Variants in PCDHGA4 observed in about 807,000 individuals in gnomAD.
PCDHGA4 encodes the protein protocadherin gamma subfamily A, 4, also known as protocadherin gamma-A4.
Under a neutral mutation model 54.6 loss-of-function variants are expected in PCDHGA4, and 38 were observed. That is an observed-to-expected ratio of 0.70 (90% CI 0.54 to 0.91). The LOEUF (loss-of-function observed/expected upper bound fraction) is 0.91, where lower values mean the gene tolerates loss of function less well. PCDHGA4 is among the 40% of genes least tolerant of loss of function. The pLI is 0.00. For missense variants in PCDHGA4, 1,298 were observed against 1,220.9 expected (o/e 1.06, Z -0.94); for synonymous variants, 511 against 512.9 (o/e 1.00, Z 0.05).
Position 141,414,566 on chromosome 5 carries a change from A to G in PCDHGA4, c.2514+56945A>G, listed in dbSNP as rs375828619. The stretch of plus-strand genomic sequence containing the variant: ...TTCTCTCAAGTCTCCTACTTTACCT[A>G]TATCCCAGAGAACAACGCCAGGGGT... On this transcript the variant is annotated intron_variant, in intron 1 of 3. Coordinates refer to ENST00000571252, the MANE Select transcript of PCDHGA4 (RefSeq NM_018917.4). The G allele has an allele frequency of 6.6e-5, 106 of 1,613,800 alleles. No homozygotes were observed. Among genetic ancestry groups the G allele is most frequent in the Non-Finnish European group, 8.4e-5 (99 of 1,179,878 alleles).
intron 1 of PCDHGA4, chr5:141,409,742 G>T (rs763304955): frequency 5.0e-6 from 8 of 1,612,988 alleles, no homozygotes; most frequent in African/African-American, 1.3e-5. Flanking sequence ...GAGCGGGGTG[G>T]TGTTCGCGCA....
intron 1 of PCDHGA4, chr5:141,383,720 A>T (rs963032230): frequency 1.2e-5 from 19 of 1,613,888 alleles, no homozygotes; most frequent in Non-Finnish European, 1.6e-5. Flanking sequence ...GAGGGAGTCA[A>T]TGGGGAAGTG....
chr5:141,357,623 T>C lies in PCDHGA4; in HGVS notation c.2514+2T>C. On this transcript the variant is annotated splice_donor_variant, in intron 1 of 3. Transcript: ENST00000571252. LOFTEE classifies it high-confidence loss of function. ...ACAAAAGGAGACCCTAATCTTCAGG[T>C]GAGTCAATCTTATAATAGATCATAC... 2 of 1,613,680 alleles carry C rather than the reference T, an allele frequency of 1.2e-6. No individual in the cohort carries two copies. Among genetic ancestry groups the C allele is most frequent in the Non-Finnish European group, 1.7e-6 (2 of 1,179,672 alleles).
intron 1 of PCDHGA4, chr5:141,408,675 CG>C (rs757230674): frequency 2.3e-5 from 37 of 1,613,832 alleles, no homozygotes; most frequent in Non-Finnish European, 3.1e-5. Flanking sequence ...GACCCTGCCA[CG>C]GATCCTGATA....
At chr5:141,415,182 C>A (rs2095840318) in intron 1 of PCDHGA4, 1 of 1,613,842 alleles carries the variant, frequency 6.2e-7, no homozygotes, top group Admixed American at 1.7e-5. Flanking sequence ...TGGCCGTGGC[C>A]GACAGCATCC....
chr5:141,454,796 A>ATTTTTTTT (rs61612330), intron 1 of PCDHGA4, among the ~76,000 whole-genome samples: 1,488 of 77,444 alleles, frequency 0.019, 251 homozygotes, highest in African/African-American at 0.042. Flanking sequence ...CATGGTTCTA[A>ATTTTTTTT]TTTTTTTTTT....
chr5:141,364,347 G>C, intron 1 of PCDHGA4: 1 of 1,543,210 alleles, frequency 6.5e-7, no homozygotes, highest in East Asian at 2.3e-5. Context: ...AGTCCACCTA[G>C]GGGCTGGGGC....
intron 1 of PCDHGA4, chr5:141,373,848 C>T (rs955090382): frequency 2.0e-5 from 9 of 446,824 alleles, no homozygotes; most frequent in Non-Finnish European, 3.5e-5. Flanking sequence ...GGACTCTAAG[C>T]GTCGCTGTTG....
chr5:141,400,333 C>T (rs538201613), intron 1 of PCDHGA4: 2 of 1,614,032 alleles, frequency 1.2e-6, no homozygotes, highest in East Asian at 2.2e-5. Context: ...ACCTGTGGTT[C>T]CCCCCAACTA....
chr5:141,432,793 C>T lies in PCDHGA4; in HGVS notation c.2515-62014C>T. 6.2e-7 allele frequency: 1 copy of T among 1,614,150 alleles called. No individual in the cohort carries two copies. Among genetic ancestry groups the T allele is most frequent in the Admixed American group, 1.7e-5 (1 of 60,032 alleles). ...AAGTCCTGGCGGACCTCGGCAGCCT[C>T]GAGTCTCCAGCTAACTCTGAAACCT... On this transcript the variant is annotated intron_variant, in intron 1 of 3. Transcript: ENST00000571252. The surrounding 1 kb of genome is among the most constrained non-coding windows in gnomAD (Gnocchi z 6.0).
intron 2 of PCDHGA4, among the ~76,000 whole-genome samples, chr5:141,496,097 A>C (rs1329818315): frequency 6.6e-6 from 1 of 151,148 alleles, no homozygotes; most frequent in Non-Finnish European, 1.5e-5. Context: ...CCACCCACCA[A>C]CACCCCGCTC....
In PCDHGA4 at chr5:141,355,459, G is replaced by A; in HGVS notation, c.352G>A (p.Ala118Thr). Reference sequence around the variant, plus strand: ...CCCGCGCAGCGGCACCTTGGTCACCGCGGGTAGGATAGACAGGGAGGAGCT... The same window carrying A: ...CCCGCGCAGCGGCACCTTGGTCACCACGGGTAGGATAGACAGGGAGGAGCT... ...LNPRSGTLVT[A>T]GRIDREELCD... Residue 118 changes from alanine to threonine, a missense_variant, in exon 1 of 4, where the codon GCG (alanine) becomes ACG (threonine). Physicochemically the swap from Ala to Thr is moderately conservative, Grantham distance 58 (BLOSUM62 0). Coordinates refer to ENST00000571252, the MANE Select transcript of PCDHGA4 (RefSeq NM_018917.4). 3 of 1,614,080 alleles carry A rather than the reference G, an allele frequency of 1.9e-6. No homozygotes were observed. Among genetic ancestry groups the A allele is most frequent in the Non-Finnish European group, 2.5e-6 (3 of 1,179,918 alleles).
Position 141,357,533 on chromosome 5 carries a change from C to A in PCDHGA4, c.2426C>A (p.Thr809Lys). ...TTCTCCCAACCCAGCTATGCAGACA[C>A]GCTCATCAGCCGGGAGAGTTGTGAG... ...LIFSQPSYAD[T>K]LISRESCEKS... The change falls in exon 1 of 4, where the codon ACG (threonine) becomes AAG (lysine). Residue 809 changes from threonine (T) to lysine (K), a missense_variant. By Grantham distance (78) the Thr-to-Lys change is moderately conservative. Coordinates refer to ENST00000571252, the MANE Select transcript of PCDHGA4 (RefSeq NM_018917.4). The A allele has an allele frequency of 6.2e-7, 1 of 1,614,194 alleles. No individual in the cohort carries two copies. The highest frequency in any genetic ancestry group is 8.5e-7 in the Non-Finnish European group (1 of 1,180,028).
intron 1 of PCDHGA4, among the ~76,000 whole-genome samples, chr5:141,492,435 C>T (rs191116850): frequency 8.5e-5 from 13 of 152,348 alleles, no homozygotes; most frequent in Admixed American, 8.5e-4. Context: ...CTCAGGAGTA[C>T]TCGTAGCTGA....
Position 141,432,938 on chromosome 5 carries a change from G to C in PCDHGA4, c.2515-61869G>C. ...CTGGCACAAGTCACGCCTGCTGCAG[G>C]CTTCAGGAGGCGGCTTGACAGGAGC... On this transcript the variant is annotated intron_variant, in intron 1 of 3. Transcript: ENST00000571252. The surrounding 1 kb of genome is among the most constrained non-coding windows in gnomAD (Gnocchi z 6.0). 2 of 1,614,192 alleles carry C rather than the reference G, an allele frequency of 1.2e-6. No homozygotes were observed. Among genetic ancestry groups the C allele is most frequent in the South Asian group, 2.2e-5 (2 of 91,086 alleles).
chr5:141,434,938 A>G (rs938787407), intron 1 of PCDHGA4, among the ~76,000 whole-genome samples: 2 of 151,738 alleles, frequency 1.3e-5, no homozygotes, highest in Admixed American at 1.3e-4. Flanking sequence ...TATATAATAG[A>G]TATAATTTAT....
Position 141,357,088 on chromosome 5 carries a change from C to T in PCDHGA4, c.1981C>T (p.Arg661Trp), listed in dbSNP as rs530114356. ...GCACACAGGCGAGGTGCGCACCGCA[C>T]GGGCCCTGCTGGACAGAGACGCGCT... ...GLHTGEVRTA[R>W]ALLDRDALKQ... The change falls in exon 1 of 4, where the codon CGG becomes TGG. Residue 661 changes from arginine (R) to tryptophan (W), a missense_variant. Transcript: ENST00000571252. The T allele has an allele frequency of 4.7e-5, 76 of 1,613,900 alleles. No individual in the cohort carries two copies. The South Asian group carries it at 8.2e-4, about 17-fold the overall frequency.
intron 1 of PCDHGA4, chr5:141,364,493 G>A (rs1480199754): frequency 4.3e-6 from 7 of 1,614,018 alleles, no homozygotes; most frequent in Non-Finnish European, 5.9e-6. Flanking sequence ...CCTTGGGCTG[G>A]AGCCCCAGGA....
intron 1 of PCDHGA4, among the ~76,000 whole-genome samples, chr5:141,481,695 T>A (rs2099542216): frequency 1.3e-5 from 2 of 152,122 alleles, no homozygotes; most frequent in Non-Finnish European, 2.9e-5. Context: ...GGCTCACGCC[T>A]GTAATCCCAG....
Sources: allele counts gnomAD v4.1 joint callset (sites outside exome capture counted in the v4.1 genomes callset), GRCh38; gene constraint gnomAD v4.1.1; non-coding constraint Gnocchi (gnomAD v3.1); transcripts MANE v1.5; gene names NCBI Gene and HGNC (gene_info 2026-07-23, HGNC 2026-07-21).